SUMF2: variants seen among roughly 807,000 people sequenced by gnomAD.
SUMF2 encodes sulfatase modifying factor 2, also known as inactive C-alpha-formylglycine-generating enzyme 2.
A neutral mutation model predicts 44.8 loss-of-function variants in SUMF2; 45 were observed. The observed-to-expected ratio is 1.00, with a 90% CI of 0.79 to 1.29. The LOEUF is 1.29. SUMF2 is among the 50% of genes most tolerant of loss of function. SUMF2 has a pLI of 0.00. For missense variants in SUMF2, 418 were observed against 389.9 expected, an observed-to-expected ratio of 1.07 and a Z score of -0.61; for synonymous variants, 148 against 150.4, an observed-to-expected ratio of 0.98 and a Z score of 0.12.
the SUMF2 span, among the ~76,000 whole-genome samples, chr7:56,085,923 G>A: frequency 1.2e-4 from 18 of 149,222 alleles, no homozygotes; most frequent in African/African-American, 3.0e-4. Context: ...GCAGTGAGCC[G>A]AGATCGCACC....
chr7:56,085,690 C>T, the SUMF2 span, among the ~76,000 whole-genome samples: 2 of 152,134 alleles, frequency 1.3e-5, no homozygotes, highest in African/African-American at 2.4e-5. Flanking sequence ...TCAGCCTGGG[C>T]GCAGTGGCTC....
In SUMF2 at chr7:56,074,583, C is replaced by G; in HGVS notation, c.385-3C>G. On this transcript the variant is annotated splice_region_variant and splice_polypyrimidine_tract_variant and intron_variant, in intron 4 of 8. Transcript: ENST00000434526. ...GCCTGTCTCACTTAATCCTGGCTGTCAGCCTGCAGGTCCTGGCTCTGGCAT... is the reference window on the plus strand; with the variant it reads ...GCCTGTCTCACTTAATCCTGGCTGTGAGCCTGCAGGTCCTGGCTCTGGCAT... 1 of 1,613,794 alleles carries G rather than the reference C, an allele frequency of 6.2e-7. No individual in the cohort carries two copies. The highest frequency in any genetic ancestry group is 1.7e-4 in the Middle Eastern group (1 of 6,060).
the SUMF2 span, among the ~76,000 whole-genome samples, chr7:56,086,476 T>A: frequency 6.6e-6 from 1 of 151,610 alleles, no homozygotes; most frequent in South Asian, 2.1e-4. Context: ...AGTTTTGGGG[T>A]TTTTTTTGTT....
intron 5 of SUMF2, among the ~76,000 whole-genome samples, chr7:56,075,540 CA>C (rs1178839897): frequency 1.3e-5 from 2 of 149,612 alleles, no homozygotes; most frequent in African/African-American, 2.5e-5. Flanking sequence ...ACTAAAAATA[CA>C]AAAAAAAATT....
Position 56,078,255 on chromosome 7 carries a change from G to A in SUMF2, c.676+69G>A. The stretch of plus-strand genomic sequence containing the variant: ...GTTGGGACCATCATGTCTGAGAGAG[G>A]AGGCAGAGGGAAGCACCTCCCTTCT... On this transcript the variant is annotated intron_variant, in intron 7 of 8. Coordinates refer to ENST00000434526, the MANE Select transcript of SUMF2 (RefSeq NM_015411.4). 4 of 1,572,096 alleles carry A rather than the reference G, an allele frequency of 2.5e-6. No individual in the cohort carries two copies. The South Asian group carries it at 4.5e-5, about 18-fold the overall frequency.
chr7:56,074,736 G>T lies in SUMF2; in HGVS notation c.535G>T (p.Gly179Cys), dbSNP rs777921803. The T allele has an allele frequency of 4.3e-6, 7 of 1,614,072 alleles. No homozygotes were observed. Among genetic ancestry groups the T allele is most frequent in the Non-Finnish European group, 5.9e-6 (7 of 1,179,996 alleles). The change falls in exon 5 of 9, where the codon GGT (glycine) becomes TGT (cysteine). Residue 179 changes from glycine (G) to cysteine (C), a missense_variant and splice_region_variant. Physicochemically the swap from Gly to Cys is radical, Grantham distance 159. Transcript: ENST00000434526. Reference sequence around the variant, plus strand: ...GTTTGCCGCCCGAGGGGGCTTGAAGGGTATCCAGATGATAAGGCGATTTTC... The same window carrying T: ...GTTTGCCGCCCGAGGGGGCTTGAAGTGTATCCAGATGATAAGGCGATTTTC... ...WEFAARGGLK[G>C]QVYPWGNWFQ...
Position 56,080,145 on chromosome 7 carries a change from G to C in SUMF2, c.*533G>C. 1 of 422,822 alleles carries C rather than the reference G, an allele frequency of 2.4e-6. No homozygotes were observed. The highest frequency in any genetic ancestry group is 4.4e-5 in the East Asian group (1 of 22,596). The allele number at this position is 422,822 out of a possible 1,614,324, so 26.2% of individuals were successfully genotyped here. On this transcript the variant is annotated 3_prime_UTR_variant, in exon 9 of 9. Transcript: ENST00000434526. The stretch of plus-strand genomic sequence containing the variant: ...CAGACATGTAACTATTTAAAGCACA[G>C]TTCAGTCCTAAAAGGGTCTGGGAGA...
chr7:56,076,965 C>T (rs368747532), intron 6 of SUMF2, 76 bp downstream of exon 6: 48 of 1,428,342 alleles, frequency 3.4e-5, no homozygotes, highest in South Asian at 1.4e-4. Context: ...TGTTAGGCCG[C>T]GGCATCCAGA....
At chr7:56,070,467 TA>T (rs915773516) in intron 2 of SUMF2, among the ~76,000 whole-genome samples, 123 of 142,556 alleles carry the variant, frequency 8.6e-4, no homozygotes, top group African/African-American at 8.8e-4. Flanking sequence ...TACTAAAAAT[TA>T]AAAAAAAAAA....
chr7:56,081,699 C>T, downstream of SUMF2: 1 of 1,614,002 alleles, frequency 6.2e-7, no homozygotes, highest in Non-Finnish European at 8.5e-7. The surrounding 1 kb of genome is among the most constrained non-coding windows in gnomAD (Gnocchi z 4.6). Flanking sequence ...AGGGGTGTGC[C>T]AAGGCCTCTT....
the SUMF2 span, chr7:56,087,629 G>C: frequency 6.2e-7 from 1 of 1,613,916 alleles, no homozygotes; most frequent in South Asian, 1.1e-5. Flanking sequence ...CCTTGCGCAG[G>C]ATGTCCACCT....
intron 6 of SUMF2, among the ~76,000 whole-genome samples, chr7:56,077,510 G>A (rs981585285): frequency 5.3e-5 from 8 of 151,126 alleles, no homozygotes; most frequent in Non-Finnish European, 1.2e-4. Context: ...AAAAATAAAA[G>A]ATGAGCTGGG....
chr7:56,081,794 A>AG, downstream of SUMF2: 4 of 1,547,264 alleles, frequency 2.6e-6, no homozygotes, highest in Non-Finnish European at 3.5e-6. The surrounding 1 kb of genome is among the most constrained non-coding windows in gnomAD (Gnocchi z 4.6). Flanking sequence ...ATGTCAAGGC[A>AG]GGTCCCCTCC....
At chr7:56,087,645 A>G in the SUMF2 span, 1 of 1,613,954 alleles carries the variant, frequency 6.2e-7, no homozygotes, top group South Asian at 1.1e-5. Context: ...CACCTCCTTC[A>G]GCGTGGCTTC....
At chr7:56,077,755 T>C (rs929011330) in intron 6 of SUMF2, among the ~76,000 whole-genome samples, 1 of 151,686 alleles carries the variant, frequency 6.6e-6, no homozygotes, top group Non-Finnish European at 1.5e-5. Flanking sequence ...GCATGAGACA[T>C]GGGGGCAGGA....
At chr7:56,082,827 G>A (rs928324644), downstream of SUMF2, among the ~76,000 whole-genome samples, 4 of 152,088 alleles carry the variant, frequency 2.6e-5, no homozygotes, top group Non-Finnish European at 5.9e-5. Context: ...GCCTAGCCCT[G>A]CTGGGCATGG....
downstream of SUMF2, among the ~76,000 whole-genome samples, chr7:56,084,396 T>A (rs1035005869): frequency 1.4e-5 from 2 of 140,370 alleles, no homozygotes; most frequent in African/African-American, 5.3e-5. Context: ...TTTTTTGAGA[T>A]GGAGTTTTTG....
chr7:56,076,708 G>A, intron 5 of SUMF2, 126 bp from the exon 6 acceptor site: 2 of 841,466 alleles, frequency 2.4e-6, no homozygotes, highest in South Asian at 3.6e-5. Context: ...ATAAAAGCAG[G>A]TCATTCACTC....
At chr7:56,068,758 C>T in intron 2 of SUMF2, 120 bp downstream of exon 2, 1 of 1,224,450 alleles carries the variant, frequency 8.2e-7, no homozygotes, top group Non-Finnish European at 1.1e-6. Flanking sequence ...TGCTGGAGTG[C>T]AGTGGCGCAA....
Sources: gnomAD v4.1 joint callset for allele counts (sites outside exome capture counted in the v4.1 genomes callset) on GRCh38, gnomAD v4.1.1 for gene constraint, Gnocchi (gnomAD v3.1) non-coding constraint, MANE v1.5 for transcripts, NCBI Gene and HGNC (gene_info 2026-07-23, HGNC 2026-07-21) for gene names.